ACTR3C: variants seen among roughly 807,000 people sequenced by gnomAD.
The protein encoded by ACTR3C is actin related protein 3C.
ACTR3C carries 18 observed loss-of-function variants against 26.3 expected under a neutral mutation model. The observed-to-expected ratio is 0.68, with a 90% confidence interval of 0.47 to 1.01. The LOEUF is 1.01. Among genes scored for constraint, ACTR3C ranks in the 50% least tolerant of loss-of-function variants. The pLI is 0.00. For synonymous variants in ACTR3C, 55 were observed against 94.5 expected (o/e 0.58, Z 2.42); for missense variants, 184 against 250.7 (o/e 0.73, Z 1.80).
At chr7:149,928,651 G>C in the ACTR3C span, among the ~76,000 whole-genome samples, 4 of 151,644 alleles carry the variant, frequency 2.6e-5, no homozygotes, top group Non-Finnish European at 5.9e-5. Flanking sequence ...AGACCAGCCT[G>C]GCCAACATGA....
chr7:150,065,201 G>A, the ACTR3C span, among the ~76,000 whole-genome samples: 3 of 152,166 alleles, frequency 2.0e-5, no homozygotes, highest in African/African-American at 4.8e-5. Context: ...GAAGTGAGGC[G>A]GGACTGAAAT....
the ACTR3C span, among the ~76,000 whole-genome samples, chr7:149,884,772 C>T: frequency 7.9e-5 from 12 of 152,160 alleles, no homozygotes; most frequent in African/African-American, 2.2e-4. Context: ...AATCATGCGC[C>T]GGGTGCAGCC....
chr7:149,925,847 A>G, the ACTR3C span, among the ~76,000 whole-genome samples: 6 of 152,298 alleles, frequency 3.9e-5, no homozygotes, highest in Non-Finnish European at 8.8e-5. Context: ...GGATCACCTG[A>G]GGTCAGGAGT....
At chr7:150,137,329 C>T in the ACTR3C span, among the ~76,000 whole-genome samples, 1 of 152,210 alleles carries the variant, frequency 6.6e-6, no homozygotes, top group Non-Finnish European at 1.5e-5. Context: ...TACTTTGGTG[C>T]TTCCTTCCTC....
At chr7:150,051,649 GC>G in the ACTR3C span, among the ~76,000 whole-genome samples, 1 of 142,198 alleles carries the variant, frequency 7.0e-6, no homozygotes, top group Admixed American at 7.2e-5. Flanking sequence ...CAAACCAAAT[GC>G]CCCCAACCCA....
chr7:150,136,647 G>A, the ACTR3C span, among the ~76,000 whole-genome samples: 1 of 150,718 alleles, frequency 6.6e-6, no homozygotes, highest in East Asian at 1.9e-4. Flanking sequence ...TCCAGGTTGG[G>A]CAACAGAGTG....
chr7:150,001,689 A>AC, the ACTR3C span: 2 of 150,796 alleles, frequency 1.3e-5, no homozygotes, highest in East Asian at 1.9e-4. Context: ...TGACACATTA[A>AC]CCCCCCATTC....
At chr7:150,061,370 C>T in the ACTR3C span, among the ~76,000 whole-genome samples, 1 of 151,672 alleles carries the variant, frequency 6.6e-6, no homozygotes, top group East Asian at 1.9e-4. Flanking sequence ...CCAAGAAAAC[C>T]CAGCTAATTT....
In ACTR3C at chr7:150,315,158, AATAC is replaced by A. The variant is rs1447502844; in HGVS notation, c.-52+8307_-52+8310del. On this transcript the variant is annotated intron_variant, in intron 1 of 7. Transcript: ENST00000683684. ...AAATAATATTTATTATTATTTTAAA[AATAC>A]ATACAAGTGATGAAGTAGGCAAAGA... Among the ~76,000 whole-genome samples the A allele has an allele frequency of 1.5e-4, 23 of 149,044 alleles. No homozygotes were observed. In the East Asian group the frequency reaches 3.1e-3, roughly 20 times the overall value.
At chr7:150,170,157 C>T in the ACTR3C span, among the ~76,000 whole-genome samples, 3 of 149,944 alleles carry the variant, frequency 2.0e-5, no homozygotes, top group Non-Finnish European at 4.4e-5. Context: ...ATGTGACTGA[C>T]GGCAGATCCC....
chr7:150,036,180 TCCC>T, the ACTR3C span, among the ~76,000 whole-genome samples: 1 of 140,686 alleles, frequency 7.1e-6, no homozygotes, highest in Non-Finnish European at 1.6e-5. Context: ...GCGATGGGAG[TCCC>T]AAGAGCCAGG....
intron 6 of ACTR3C, among the ~76,000 whole-genome samples, chr7:150,281,139 G>A (rs1052335275): frequency 3.3e-5 from 5 of 152,078 alleles, no homozygotes; most frequent in Admixed American, 3.3e-4. Flanking sequence ...GAGAGAGGGC[G>A]TCTTACCCGG....
At chr7:150,164,341 C>T in the ACTR3C span, among the ~76,000 whole-genome samples, 718 of 151,840 alleles carry the variant, frequency 4.7e-3, 1 homozygote, top group Middle Eastern at 0.01. Flanking sequence ...GTGTTTCAGC[C>T]GGACAAGACC....
chr7:150,110,243 C>T, the ACTR3C span, among the ~76,000 whole-genome samples: 1 of 151,540 alleles, frequency 6.6e-6, no homozygotes, highest in African/African-American at 2.4e-5. Flanking sequence ...GATTGCAATT[C>T]CCTGGGCAAA....
chr7:149,985,597 G>A, the ACTR3C span, among the ~76,000 whole-genome samples: 2 of 152,374 alleles, frequency 1.3e-5, no homozygotes, highest in South Asian at 4.1e-4. Context: ...TCCAGCTTGT[G>A]CTACTGAACA....
chr7:150,221,811 A>G, the ACTR3C span, among the ~76,000 whole-genome samples: 4 of 151,956 alleles, frequency 2.6e-5, no homozygotes, highest in South Asian at 2.1e-4. Context: ...TGGCTAACAC[A>G]GTGAAACCCC....
chr7:150,045,396 G>T, the ACTR3C span, among the ~76,000 whole-genome samples: 1 of 152,240 alleles, frequency 6.6e-6, no homozygotes, highest in Admixed American at 6.5e-5. Context: ...CCTGTGTCAT[G>T]AGTTTAATTA....
the ACTR3C span, among the ~76,000 whole-genome samples, chr7:149,931,825 A>G: frequency 6.6e-6 from 1 of 152,352 alleles, no homozygotes; most frequent in South Asian, 2.1e-4. Flanking sequence ...GAACAAAACC[A>G]AGTATCTTAA....
At chr7:149,974,984 T>G in the ACTR3C span, among the ~76,000 whole-genome samples, 1 of 152,192 alleles carries the variant, frequency 6.6e-6, no homozygotes, top group Non-Finnish European at 1.5e-5. Flanking sequence ...CAATGAATTT[T>G]TGTTTGTTAT....
Sources: allele counts gnomAD v4.1 joint callset (sites outside exome capture counted in the v4.1 genomes callset), GRCh38; gene constraint gnomAD v4.1.1; transcripts MANE v1.5; gene names NCBI Gene and HGNC (gene_info 2026-07-23, HGNC 2026-07-21).